Variants in PDZK1 observed in about 807,000 individuals in gnomAD.
PDZK1 encodes Na(+)/H(+) exchange regulatory cofactor NHE-RF3.
A neutral mutation model predicts 38.1 loss-of-function variants in PDZK1; 23 were observed. The ratio of observed to expected loss-of-function variants is 0.60; its 90% confidence interval spans 0.43 to 0.85. The LOEUF (loss-of-function observed/expected upper bound fraction) is 0.85, where lower values mean the gene tolerates loss of function less well. Among genes scored for constraint, PDZK1 ranks in the 40% least tolerant of loss-of-function variants. The pLI is 0.00. For synonymous variants in PDZK1, 98 were observed against 186.2 expected, an observed-to-expected ratio of 0.53 and a Z score of 3.86; for missense variants, 297 against 504.3, an observed-to-expected ratio of 0.59 and a Z score of 3.94.
At chr1:145,673,046 A>C in intron 7 of PDZK1, 26 bp from the exon 8 acceptor site, 1 of 1,415,142 alleles carries the variant, frequency 7.1e-7, no homozygotes, top group Non-Finnish European at 1.0e-6. Flanking sequence ...CTGAGTTATC[A>C]ATTTCAAACA....
chr1:145,688,871 A>C (rs1456922531), intron 1 of PDZK1, among the ~76,000 whole-genome samples: 1 of 152,072 alleles, frequency 6.6e-6, no homozygotes, highest in Non-Finnish European at 1.5e-5. Flanking sequence ...AGGCAGGATA[A>C]TTGCTTTAAC....
At chr1:145,692,759 G>T (rs989503819) in intron 1 of PDZK1, among the ~76,000 whole-genome samples, 1 of 151,770 alleles carries the variant, frequency 6.6e-6, no homozygotes, top group Non-Finnish European at 1.5e-5. Flanking sequence ...TCTGGACTGG[G>T]CGCAGTGGCT....
intron 6 of PDZK1, among the ~76,000 whole-genome samples, chr1:145,677,743 A>G (rs1653828324): frequency 6.8e-6 from 1 of 147,106 alleles, no homozygotes; most frequent in Non-Finnish European, 1.5e-5. Context: ...ACCACCCATC[A>G]TATTCCCCCC....
intron 2 of PDZK1, 122 bp downstream of exon 2, chr1:145,687,690 C>A: frequency 1.3e-6 from 1 of 779,762 alleles, no homozygotes; most frequent in Admixed American, 2.0e-5. Context: ...ATAAAGGTGT[C>A]CTGCCTTGCC....
At chr1:145,697,003 G>A (rs1655664724) in intron 1 of PDZK1, among the ~76,000 whole-genome samples, 1 of 152,122 alleles carries the variant, frequency 6.6e-6, no homozygotes, top group South Asian at 2.1e-4. Flanking sequence ...TAAAGCCTTT[G>A]CAATACCTGT....
Position 145,671,336 on chromosome 1 carries a change from A to G in PDZK1, c.*100T>C. The G allele has an allele frequency of 1.3e-6, 2 of 1,587,194 alleles. No individual in the cohort carries two copies. The highest frequency in any genetic ancestry group is 1.7e-6 in the Non-Finnish European group (2 of 1,164,640). On this transcript the variant is annotated 3_prime_UTR_variant, in exon 9 of 9. Transcript: ENST00000417171. ...TTCCAGTGGAGTTTTTCTTCTAAAG[A>G]GACAGTAAACAGGTCACAACTCATT...
At chr1:145,677,079 G>A (rs1431865044) in intron 6 of PDZK1, among the ~76,000 whole-genome samples, 1 of 152,148 alleles carries the variant, frequency 6.6e-6, no homozygotes, top group Non-Finnish European at 1.5e-5. Context: ...TCCAAGTATG[G>A]TCTGACCAAG....
intron 1 of PDZK1, among the ~76,000 whole-genome samples, chr1:145,694,938 A>G (rs1257513881): frequency 1.6e-4 from 24 of 151,600 alleles, no homozygotes; most frequent in Admixed American, 1.3e-4. Flanking sequence ...AAGAAAGAAA[A>G]ATATCATTGT....
chr1:145,688,068 C>G lies in PDZK1; in HGVS notation c.-2-45G>C. ...TTAATAAAACCATGGAAAAGAGAATCTAATTGGAGTGAGAACCCCATCCTC... is the reference window on the plus strand; with the variant it reads ...TTAATAAAACCATGGAAAAGAGAATGTAATTGGAGTGAGAACCCCATCCTC... On this transcript the variant is annotated intron_variant, in intron 1 of 8. Coordinates refer to ENST00000417171, the MANE Select transcript of PDZK1 (RefSeq NM_001201325.2). 5 of 1,499,582 alleles carry G rather than the reference C, an allele frequency of 3.3e-6. No homozygotes were observed. In the South Asian group the frequency reaches 4.5e-5, roughly 14 times the overall value. 92.9% of individuals were successfully genotyped at this position (1,499,582 alleles called of 1,614,324 possible).
rs587650806 is a variant in PDZK1 at position 145,693,571 on chromosome 1, G to A, written c.-2-5548C>T. Among the ~76,000 whole-genome samples, 631 of 152,020 alleles carry A rather than the reference G, an allele frequency of 4.2e-3. 5 individuals carry two copies. Among genetic ancestry groups the A allele is most frequent in the African/African-American group, 0.014 (593 of 41,452 alleles). On this transcript the variant is annotated intron_variant, in intron 1 of 8. Transcript: ENST00000417171. ...AGGCAGATCACAAGGTCAGGAGATCGATACCATCCTGGCTAACACCGTGAA... is the reference window on the plus strand; with the variant it reads ...AGGCAGATCACAAGGTCAGGAGATCAATACCATCCTGGCTAACACCGTGAA...
intron 1 of PDZK1, among the ~76,000 whole-genome samples, chr1:145,703,307 G>C (rs1474711053): frequency 2.6e-5 from 4 of 152,170 alleles, no homozygotes; most frequent in Non-Finnish European, 4.4e-5. Context: ...CCAGTGGGGA[G>C]AGTTATGAAG....
intron 1 of PDZK1, among the ~76,000 whole-genome samples, chr1:145,696,413 T>C (rs1655631438): frequency 6.6e-6 from 1 of 152,154 alleles, no homozygotes; most frequent in Non-Finnish European, 1.5e-5. Flanking sequence ...TAATCCCCAA[T>C]GTGACTATAC....
At chr1:145,702,974 G>T (rs1656051180) in intron 1 of PDZK1, among the ~76,000 whole-genome samples, 1 of 152,144 alleles carries the variant, frequency 6.6e-6, no homozygotes, top group Non-Finnish European at 1.5e-5. Flanking sequence ...CAGCTCCTCA[G>T]CAAGCCCCAA....
At chr1:145,681,283 G>A (rs1462304917) in intron 4 of PDZK1, among the ~76,000 whole-genome samples, 176 bp from the exon 5 acceptor site, 2 of 143,646 alleles carry the variant, frequency 1.4e-5, no homozygotes, top group South Asian at 2.2e-4. Context: ...TGTATTTATC[G>A]CCTTTTTTTT....
intron 1 of PDZK1, among the ~76,000 whole-genome samples, chr1:145,706,483 T>C (rs1183603874): frequency 1.3e-5 from 2 of 152,166 alleles, no homozygotes; most frequent in East Asian, 1.9e-4. Flanking sequence ...TGGTGACACA[T>C]TGCAGAGATT....
At position 145,686,573 on chromosome 1, in the gene PDZK1, C is replaced by G. The variant is rs782811108; in HGVS notation, c.364G>C (p.Val122Leu). The change falls in exon 3 of 9, where the codon GTG becomes CTG. Residue 122 changes from valine (V) to leucine (L), a missense_variant. Val to Leu is a conservative substitution (Grantham distance 32). Around this residue, in one of 5 missense-constraint regions of PDZK1, gnomAD observed 159 missense variants for 200.0 expected, o/e 0.79. Transcript: ENST00000417171. ...CAAGTTTGCACACCTCCATTCATCACAGGGGAAAGTATATTATCACTCAAA... is the reference window on the plus strand; with the variant it reads ...CAAGTTTGCACACCTCCATTCATCAGAGGGGAAAGTATATTATCACTCAAA... ...QGLSDNILSP[V>L]MNGGVQTWTQ... 1 of 1,609,846 alleles carries G rather than the reference C, an allele frequency of 6.2e-7. No individual in the cohort carries two copies. The highest frequency in any genetic ancestry group is 8.5e-7 in the Non-Finnish European group (1 of 1,178,210).
chr1:145,683,433 C>T (rs782019367), intron 3 of PDZK1, among the ~76,000 whole-genome samples: 109 of 152,342 alleles, frequency 7.2e-4, no homozygotes, highest in Non-Finnish European at 1.3e-3. Flanking sequence ...CTCTCCTCTT[C>T]AGTTTGTACT....
At chr1:145,697,647 G>A (rs1349846428) in intron 1 of PDZK1, among the ~76,000 whole-genome samples, 2 of 151,998 alleles carry the variant, frequency 1.3e-5, no homozygotes, top group Admixed American at 1.3e-4. Context: ...ACCCAGGCTG[G>A]AGTGCAGTGG....
chr1:145,681,376 G>A (rs1287421243), intron 4 of PDZK1, among the ~76,000 whole-genome samples: 22 of 147,654 alleles, frequency 1.5e-4, no homozygotes, highest in South Asian at 2.1e-4. Flanking sequence ...TCTGCCTCCC[G>A]GGTTCACGCC....
Sources: allele counts gnomAD v4.1 joint callset (sites outside exome capture counted in the v4.1 genomes callset), GRCh38; gene constraint gnomAD v4.1.1; regional missense constraint gnomAD v4.1.1; transcripts MANE v1.5; gene names NCBI Gene and HGNC (gene_info 2026-07-23, HGNC 2026-07-21).